Variants in MLLT1 observed in about 807,000 individuals in gnomAD.
MLLT1 encodes protein ENL.
A neutral mutation model predicts 55.1 loss-of-function variants in MLLT1; 11 were observed. That is an observed-to-expected ratio of 0.20 (90% CI 0.13 to 0.33). The LOEUF is 0.33. Among genes scored for constraint, MLLT1 ranks in the 10% least tolerant of loss-of-function variants. The pLI, the probability that MLLT1 is intolerant of heterozygous loss-of-function variation, is 1.00. For synonymous variants in MLLT1, 323 were observed against 320.1 expected (o/e 1.01, Z -0.10); for missense variants, 536 against 760.6 (o/e 0.70, Z 3.47).
In MLLT1 at chr19:6,235,594, T is replaced by G. The variant is rs1219004212; in HGVS notation, c.277-4881A>C. 6.6e-6 allele frequency among the ~76,000 whole-genome samples: 1 copy of G among 152,000 alleles called. No homozygotes were observed. Among genetic ancestry groups the G allele is most frequent in the Non-Finnish European group, 1.5e-5 (1 of 67,978 alleles). On this transcript the variant is annotated intron_variant, in intron 3 of 11. Coordinates refer to ENST00000252674, the MANE Select transcript of MLLT1 (RefSeq NM_005934.4). This position sits in a 1 kb window ranked among gnomAD's most constrained non-coding sequence, Gnocchi z 5.5. Reference sequence around the variant, plus strand: ...GGGCTCGGAACTGGGTCCTCTCCTCTCCACACTCCTGGCCACAGCTGTGCA... The same window carrying G: ...GGGCTCGGAACTGGGTCCTCTCCTCGCCACACTCCTGGCCACAGCTGTGCA...
chr19:6,211,477 A>T lies in MLLT1; in HGVS notation c.*1565T>A. On this transcript the variant is annotated 3_prime_UTR_variant, in exon 12 of 12. Transcript: ENST00000252674. This position sits in a 1 kb window ranked among gnomAD's most constrained non-coding sequence, Gnocchi z 4.6. ...AGGAGTGTTCAGGATCTGCTGACAG[A>T]ATCAGAGCAGGGACAAGATGAGGGA... 2.2e-6 allele frequency: 1 copy of T among 450,642 alleles called. No homozygotes were observed. Among genetic ancestry groups the T allele is most frequent in the Non-Finnish European group, 3.2e-6 (1 of 317,252 alleles). 27.9% of individuals were successfully genotyped at this position (450,642 alleles called of 1,614,324 possible). A position where few individuals can be genotyped will look rare whatever the true frequency, so the allele number is the denominator to read the frequency against.
chr19:6,268,645 G>A lies in MLLT1; in HGVS notation c.193+1934C>T, dbSNP rs188916104. On this transcript the variant is annotated intron_variant, in intron 2 of 11. Coordinates refer to ENST00000252674, the MANE Select transcript of MLLT1 (RefSeq NM_005934.4). ...AAAGTTTTATTCAATGCCACAGAGT[G>A]TGAGCTGGAAATTTACTTTCTGATA... Among the ~76,000 whole-genome samples the A allele has an allele frequency of 1.3e-3, 196 of 152,324 alleles. 2 individuals carry two copies. Among genetic ancestry groups the A allele is most frequent in the South Asian group, 6.6e-3 (32 of 4,828 alleles).
intron 5 of MLLT1, among the ~76,000 whole-genome samples, chr19:6,225,120 T>C (rs1357321208): frequency 6.6e-6 from 1 of 152,226 alleles, no homozygotes; most frequent in East Asian, 1.9e-4. Context: ...CCTGGCTCCC[T>C]GCAGCTGCTG....
rs750119923 is a variant in MLLT1 at position 6,235,460 on chromosome 19, C to T, written c.277-4747G>A. On this transcript the variant is annotated intron_variant, in intron 3 of 11. Transcript: ENST00000252674. This position sits in a 1 kb window ranked among gnomAD's most constrained non-coding sequence, Gnocchi z 5.5. ...AGCCGTGAGTGCCCCCACAAAGCAG[C>T]CTGGGCTAAGAAGGGCACCTGGGGA... Among the ~76,000 whole-genome samples, 25 of 152,310 alleles carry T rather than the reference C, an allele frequency of 1.6e-4. No homozygotes were observed. The highest frequency in any genetic ancestry group is 3.2e-4 in the Non-Finnish European group (22 of 68,012).
rs74725466 is a variant in MLLT1, at chr19:6,242,328, T to C, written c.277-11615A>G. Reference sequence around the variant, plus strand: ...GCCCCCCAACACAAGCCACCCAGGATGTGTCAGGAAGATGCCTCTGAGGGT... The same window carrying C: ...GCCCCCCAACACAAGCCACCCAGGACGTGTCAGGAAGATGCCTCTGAGGGT... On this transcript the variant is annotated intron_variant, in intron 3 of 11. Coordinates refer to ENST00000252674, the MANE Select transcript of MLLT1 (RefSeq NM_005934.4). Among the ~76,000 whole-genome samples the C allele has an allele frequency of 7.1e-3, 1,085 of 152,294 alleles. 11 individuals are homozygous for C. The highest frequency in any genetic ancestry group is 0.025 in the African/African-American group (1,042 of 41,574).
intron 3 of MLLT1, among the ~76,000 whole-genome samples, chr19:6,232,337 G>T (rs117301166): frequency 0.013 from 1,953 of 152,258 alleles, 19 homozygotes; most frequent in Non-Finnish European, 0.021. Context: ...CACTCAATGG[G>T]GACTGAGGAG....
At chr19:6,248,539 C>T (rs2091187673) in intron 3 of MLLT1, among the ~76,000 whole-genome samples, 2 of 152,186 alleles carry the variant, frequency 1.3e-5, no homozygotes, top group South Asian at 2.1e-4. Flanking sequence ...GTGCATTTAC[C>T]TCTGTGGTCT....
At position 6,222,260 on chromosome 19, in the gene MLLT1, A is replaced by G. The variant is rs765513780; in HGVS notation, c.971T>C (p.Phe324Ser). 24 of 1,609,500 alleles carry G rather than the reference A, an allele frequency of 1.5e-5. No individual in the cohort carries two copies. Among genetic ancestry groups the G allele is most frequent in the East Asian group, 4.5e-5 (2 of 44,668 alleles). ...GTCCTTGGCCGGCTTCTTGTCCGAG[A>G]AGGAGGAGGAGGAGGAGGTGCGGGG... Reference protein sequence around the residue: ...TSPRTSSSSSFSDKKPAKDKS... With the variant: ...TSPRTSSSSSSSDKKPAKDKS... Residue 324 changes from phenylalanine (F) to serine (S), a missense_variant, in exon 6 of 12, where the codon TTC (phenylalanine) becomes TCC (serine). By Grantham distance (155) the Phe-to-Ser change is radical. Coordinates refer to ENST00000252674, the MANE Select transcript of MLLT1 (RefSeq NM_005934.4). This position sits in a 1 kb window ranked among gnomAD's most constrained non-coding sequence, Gnocchi z 4.1.
At chr19:6,274,094 C>T (rs768919596) in intron 1 of MLLT1, among the ~76,000 whole-genome samples, 3 of 152,250 alleles carry the variant, frequency 2.0e-5, no homozygotes, top group Admixed American at 6.5e-5. Flanking sequence ...AGCCTCAACA[C>T]CCACTGTTAA....
At chr19:6,224,064 T>C (rs1015542078) in intron 5 of MLLT1, among the ~76,000 whole-genome samples, 29 of 152,154 alleles carry the variant, frequency 1.9e-4, no homozygotes, top group African/African-American at 6.8e-4. Flanking sequence ...AGGGGCAGGC[T>C]GGGTAGAGGC....
intron 6 of MLLT1, among the ~76,000 whole-genome samples, chr19:6,220,651 C>T (rs1398337860): frequency 6.6e-6 from 1 of 152,240 alleles, no homozygotes; most frequent in Non-Finnish European, 1.5e-5. Context: ...CGCTGCCCAG[C>T]GTGCTGCACA....
chr19:6,272,050 G>A lies in MLLT1; in HGVS notation c.13-1291C>T, dbSNP rs150421023. On this transcript the variant is annotated intron_variant, in intron 1 of 11. Coordinates refer to ENST00000252674, the MANE Select transcript of MLLT1 (RefSeq NM_005934.4). Reference sequence around the variant, plus strand: ...CTGAGCTCTCAGTTGTCACGCGATGGAGCCGCTGGGGCAGGCAGATCCTAT... The same window carrying A: ...CTGAGCTCTCAGTTGTCACGCGATGAAGCCGCTGGGGCAGGCAGATCCTAT... Among the ~76,000 whole-genome samples the A allele has an allele frequency of 4.6e-5, 7 of 152,304 alleles. No homozygotes were observed. In the East Asian group the frequency reaches 1.4e-3, roughly 29 times the overall value.
chr19:6,274,537 G>A (rs539038252), intron 1 of MLLT1, among the ~76,000 whole-genome samples: 5 of 152,186 alleles, frequency 3.3e-5, no homozygotes, highest in Non-Finnish European at 7.3e-5. Flanking sequence ...TTGGTCAGTG[G>A]CTCTCCCCCA....
chr19:6,234,626 C>T (rs1052357747), intron 3 of MLLT1, among the ~76,000 whole-genome samples: 11 of 152,136 alleles, frequency 7.2e-5, no homozygotes, highest in African/African-American at 2.7e-4. Context: ...TGGGCAGCCA[C>T]ACAGAGAGAC....
intron 3 of MLLT1, among the ~76,000 whole-genome samples, chr19:6,249,660 A>G (rs1414946347): frequency 1.3e-5 from 2 of 152,236 alleles, no homozygotes; most frequent in Non-Finnish European, 2.9e-5. Flanking sequence ...GGAAGTTCCC[A>G]TCACACATCC....
intron 5 of MLLT1, among the ~76,000 whole-genome samples, chr19:6,224,217 A>C (rs924896010): frequency 6.6e-6 from 1 of 152,252 alleles, no homozygotes; most frequent in African/African-American, 2.4e-5. Context: ...TCAAAGGCTC[A>C]GGAACAGTAC....
Position 6,222,321 on chromosome 19 carries a change from T to C in MLLT1, c.910A>G (p.Ser304Gly), listed in dbSNP as rs763898983. ...KPSAKKQKKS[S>G]SKGSRSAPGT... The stretch of plus-strand genomic sequence containing the variant: ...GGAGCACTCCGGGACCCCTTCGAGC[T>C]GCTCTTCTTCTGCTTCTTGGCGCTG... The change falls in exon 6 of 12, where the codon AGC becomes GGC. Residue 304 changes from serine (S) to glycine (G), a missense_variant. This residue lies in a region of MLLT1 where 449 missense variants were observed against 489.0 expected (regional missense o/e 0.92). Coordinates refer to ENST00000252674, the MANE Select transcript of MLLT1 (RefSeq NM_005934.4). The surrounding 1 kb of genome is among the most constrained non-coding windows in gnomAD (Gnocchi z 4.1). The C allele has an allele frequency of 3.1e-5, 49 of 1,560,198 alleles. No homozygotes were observed. Among genetic ancestry groups the C allele is most frequent in the Non-Finnish European group, 4.1e-5 (47 of 1,151,080 alleles).
rs547638013 is a variant in MLLT1 at position 6,228,625 on chromosome 19, G to A, written c.421-1523C>T. On this transcript the variant is annotated intron_variant, in intron 4 of 11. Coordinates refer to ENST00000252674, the MANE Select transcript of MLLT1 (RefSeq NM_005934.4). ...AGAGAAAGCAGCGCTCGCTGACACA[G>A]AAACCAGCCCCTCCTCCCGGGTCTC... Among the ~76,000 whole-genome samples the A allele has an allele frequency of 1.3e-4, 20 of 152,316 alleles. No individual in the cohort carries two copies. The South Asian group carries it at 4.1e-3, about 32-fold the overall frequency.
At chr19:6,214,078 A>G (rs1256490220) in intron 8 of MLLT1, 40 bp from the exon 9 acceptor site, 1 of 1,259,520 alleles carries the variant, frequency 7.9e-7, no homozygotes, top group Non-Finnish European at 1.0e-6. Flanking sequence ...CCCTGCCGCC[A>G]CCACGGCCCC....
Sources: allele counts gnomAD v4.1 joint callset (sites outside exome capture counted in the v4.1 genomes callset), GRCh38; gene constraint gnomAD v4.1.1; regional missense constraint gnomAD v4.1.1; non-coding constraint Gnocchi (gnomAD v3.1); transcripts MANE v1.5; gene names NCBI Gene and HGNC (gene_info 2026-07-23, HGNC 2026-07-21).